Variants in TSTD2 observed in about 807,000 individuals in gnomAD.
TSTD2 encodes the protein thiosulfate sulfurtransferase/rhodanese-like domain-containing protein 2.
In TSTD2, 37 loss-of-function variants were observed where a neutral mutation model predicts 47.9. That is an observed-to-expected ratio of 0.77 (90% CI 0.59 to 1.02). The LOEUF is 1.02. Among genes scored for constraint, TSTD2 ranks in the 50% least tolerant of loss-of-function variants. The probability of loss-of-function intolerance (pLI) is 0.00; values close to 1 mark genes in which losing one functional copy is unlikely to be tolerated. For missense variants in TSTD2, 586 were observed against 616.0 expected (o/e 0.95, Z 0.52); for synonymous variants, 201 against 215.9 (o/e 0.93, Z 0.61).
intron 6 of TSTD2, among the ~76,000 whole-genome samples, chr9:97,606,718 A>G (rs957884277): frequency 3.9e-5 from 6 of 152,186 alleles, no homozygotes; most frequent in Non-Finnish European, 8.8e-5. Flanking sequence ...AAACTGTTCT[A>G]TATTAAGGTC....
At chr9:97,603,775 C>A (rs1343264717) in intron 9 of TSTD2, among the ~76,000 whole-genome samples, 1 of 152,200 alleles carries the variant, frequency 6.6e-6, no homozygotes, top group Non-Finnish European at 1.5e-5. Context: ...TTTAAACTCA[C>A]TGCAACCTCA....
chr9:97,614,629 G>A (rs1826514069), intron 4 of TSTD2, among the ~76,000 whole-genome samples: 1 of 152,196 alleles, frequency 6.6e-6, no homozygotes, highest in South Asian at 2.1e-4. Flanking sequence ...GCCGAGATCT[G>A]AAGTGGGGTA....
chr9:97,625,845 G>T lies in TSTD2; in HGVS notation c.318C>A (p.His106Gln), dbSNP rs773863619. Residue 106 changes from histidine to glutamine, a missense_variant, in exon 3 of 10, where the codon CAC (histidine) becomes CAA (glutamine). Transcript: ENST00000341170. ...VATQHADEIYHQTASILKQLA... is the reference protein window; with the variant it reads ...VATQHADEIYQQTASILKQLA... ...GTTGCTTTAAAATAGAAGCTGTCTG[G>T]TGATAAATTTCATCAGCATGTTGTG... is the stretch of plus-strand genomic sequence containing the variant. 6.2e-7 allele frequency: 1 copy of T among 1,614,040 alleles called. No homozygotes were observed. Among genetic ancestry groups the T allele is most frequent in the African/African-American group, 1.3e-5 (1 of 74,930 alleles).
At chr9:97,604,088 TATATA>T (rs1826322567) in intron 9 of TSTD2, 1 of 152,268 alleles carries the variant, frequency 6.6e-6, no homozygotes, top group Non-Finnish European at 1.5e-5. Flanking sequence ...AAATCTGTAA[TATATA>T]ATAAGACGTG....
At position 97,627,417 on chromosome 9, in the gene TSTD2, T is replaced by C; in HGVS notation, c.146A>G (p.Tyr49Cys). ...AELDGSTKKK[Y>C]SFAKKKAFAL... Reference sequence around the variant, plus strand: ...TTCTACCTTTTTCTTTGCAAACGAGTATTTCTTTTTTGTACTGCCATCTAA... The same window carrying C: ...TTCTACCTTTTTCTTTGCAAACGAGCATTTCTTTTTTGTACTGCCATCTAA... The change falls in exon 2 of 10, where the codon TAC (tyrosine) becomes TGC (cysteine). Residue 49 changes from tyrosine to cysteine, a missense_variant. Coordinates refer to ENST00000341170, the MANE Select transcript of TSTD2 (RefSeq NM_139246.5). 1 of 1,599,548 alleles carries C rather than the reference T, an allele frequency of 6.3e-7. No homozygotes were observed. Among genetic ancestry groups the C allele is most frequent in the Non-Finnish European group, 8.5e-7 (1 of 1,171,076 alleles).
At chr9:97,625,381 T>A (rs764168436) in intron 3 of TSTD2, among the ~76,000 whole-genome samples, 1 of 152,244 alleles carries the variant, frequency 6.6e-6, no homozygotes, top group Non-Finnish European at 1.5e-5. Flanking sequence ...AAAACTGCTA[T>A]GAGCATTCTT....
In TSTD2 at chr9:97,633,287, C is replaced by T. The variant is rs1363334158; in HGVS notation, c.-95G>A. Reference sequence around the variant, plus strand: ...CTAAGGTCTCTCTTCCCTGCACTGTCTCCGCCTAGCAATTGTCACTGCTCA... The same window carrying T: ...CTAAGGTCTCTCTTCCCTGCACTGTTTCCGCCTAGCAATTGTCACTGCTCA... On this transcript the variant is annotated 5_prime_UTR_variant, in exon 1 of 10. Coordinates refer to ENST00000341170, the MANE Select transcript of TSTD2 (RefSeq NM_139246.5). 2 of 264,232 alleles carry T rather than the reference C, an allele frequency of 7.6e-6. No homozygotes were observed. Among genetic ancestry groups the T allele is most frequent in the South Asian group, 3.0e-4 (2 of 6,582 alleles). The allele number at this position is 264,232 out of a possible 1,614,324, so 16.4% of individuals were successfully genotyped here.
chr9:97,608,140 G>A (rs1011786608), intron 6 of TSTD2, among the ~76,000 whole-genome samples: 1 of 151,934 alleles, frequency 6.6e-6, no homozygotes, highest in African/African-American at 2.4e-5. Context: ...CTGAGATTGC[G>A]CCACTGCACC....
chr9:97,627,625 T>C lies in TSTD2; in HGVS notation c.-50-13A>G, dbSNP rs536176056. 1.4e-6 allele frequency: 2 copies of C among 1,410,046 alleles called. No individual in the cohort carries two copies. The highest frequency in any genetic ancestry group is 4.7e-5 in the East Asian group (2 of 42,364). 87.3% of individuals were successfully genotyped at this position (1,410,046 alleles called of 1,614,324 possible). Reference sequence around the variant, plus strand: ...AGTTAAATACCTCCTAGAATATAAATAAGAAAGAAGCAGCCATGCTATTCT... The same window carrying C: ...AGTTAAATACCTCCTAGAATATAAACAAGAAAGAAGCAGCCATGCTATTCT... On this transcript the variant is annotated splice_polypyrimidine_tract_variant and intron_variant, in intron 1 of 9. Transcript: ENST00000341170.
chr9:97,602,917 C>T lies in TSTD2; in HGVS notation c.1253-150G>A. 6 of 705,722 alleles carry T rather than the reference C, an allele frequency of 8.5e-6. No homozygotes were observed. The South Asian group carries it at 1.3e-4, about 15-fold the overall frequency. The allele number at this position is 705,722 out of a possible 1,614,324, so 43.7% of individuals were successfully genotyped here. On this transcript the variant is annotated intron_variant, in intron 9 of 9. Coordinates refer to ENST00000341170, the MANE Select transcript of TSTD2 (RefSeq NM_139246.5). ...TAAGTCTTCTGTCTTCTAGCAACAA[C>T]AACTAACCACCACCCCCACCACCCA...
At chr9:97,626,116 T>A in intron 2 of TSTD2, 119 bp from the exon 3 acceptor site, 1 of 946,146 alleles carries the variant, frequency 1.1e-6, no homozygotes, top group Non-Finnish European at 1.5e-6. Context: ...TATGTTCCAT[T>A]ATGTTATACA....
At chr9:97,612,330 A>G (rs796555315) in intron 4 of TSTD2, among the ~76,000 whole-genome samples, 3 of 152,382 alleles carry the variant, frequency 2.0e-5, no homozygotes, top group African/African-American at 7.2e-5. Context: ...TCTTTATAAC[A>G]GAACAATTTA....
chr9:97,606,345 G>C, intron 6 of TSTD2, 84 bp from the exon 7 acceptor site: 2 of 747,662 alleles, frequency 2.7e-6, no homozygotes, highest in Admixed American at 4.8e-5. Flanking sequence ...TGACTTACGT[G>C]TTGCTTTGTT....
At chr9:97,632,882 C>A (rs1157456759) in intron 1 of TSTD2, among the ~76,000 whole-genome samples, 2 of 152,112 alleles carry the variant, frequency 1.3e-5, no homozygotes, top group Admixed American at 6.5e-5. Context: ...AGAATTAGGC[C>A]GGGAGAGTGA....
At chr9:97,625,352 G>A (rs562899770) in intron 3 of TSTD2, among the ~76,000 whole-genome samples, 5 of 152,256 alleles carry the variant, frequency 3.3e-5, no homozygotes, top group African/African-American at 1.2e-4. Context: ...GTTGTTTCCA[G>A]TTTTTTGTTA....
chr9:97,613,358 T>TCCCC (rs1021160960), intron 4 of TSTD2, among the ~76,000 whole-genome samples: 2 of 152,148 alleles, frequency 1.3e-5, no homozygotes, highest in Admixed American at 6.5e-5. Context: ...CACCAGCATA[T>TCCCC]CCCCTAGAAC....
chr9:97,603,526 A>T (rs1435960807), intron 9 of TSTD2, among the ~76,000 whole-genome samples: 3 of 152,212 alleles, frequency 2.0e-5, no homozygotes, highest in Non-Finnish European at 4.4e-5. Flanking sequence ...GTGATCAATA[A>T]GAGACAACTC....
At chr9:97,610,974 A>ATT (rs1208626896) in intron 5 of TSTD2, 1 of 152,570 alleles carries the variant, frequency 6.6e-6, no homozygotes, top group African/African-American at 2.4e-5. Context: ...TATGTCCAAG[A>ATT]TTTGGAGTCC....
At position 97,600,979 on chromosome 9, in the gene TSTD2, G is replaced by A. The variant is rs1291876648; in HGVS notation, c.*1490C>T. 8.3e-7 allele frequency: 1 copy of A among 1,204,276 alleles called. No individual in the cohort carries two copies. Among genetic ancestry groups the A allele is most frequent in the Non-Finnish European group, 1.1e-6 (1 of 937,166 alleles). The allele number at this position is 1,204,276 out of a possible 1,614,324, so 74.6% of individuals were successfully genotyped here. A position where few individuals can be genotyped will look rare whatever the true frequency, so the allele number is the denominator to read the frequency against. On this transcript the variant is annotated 3_prime_UTR_variant, in exon 10 of 10. Transcript: ENST00000341170. ...AGCAAATCTCATGATAAAGGACAAG[G>A]TCAAGAACTCCAGAGCACTGAGCAG...
Sources: allele counts gnomAD v4.1 joint callset (sites outside exome capture counted in the v4.1 genomes callset), GRCh38; gene constraint gnomAD v4.1.1; transcripts MANE v1.5; gene names NCBI Gene and HGNC (gene_info 2026-07-23, HGNC 2026-07-21).